Variants in TENT2 observed in about 807,000 individuals in gnomAD.
The protein encoded by TENT2 is terminal nucleotidyltransferase 2.
In TENT2, 44 loss-of-function variants were observed where a neutral mutation model predicts 72.2. The ratio of observed to expected loss-of-function variants is 0.61; its 90% CI spans 0.48 to 0.78. TENT2 has a LOEUF of 0.78. TENT2 is among the 30% of genes least tolerant of loss of function. The probability of loss-of-function intolerance (pLI) is 0.00; values close to 1 mark genes in which losing one functional copy is unlikely to be tolerated. For missense variants in TENT2, 541 were observed against 569.6 expected, an observed-to-expected ratio of 0.95 and a Z score of 0.51; for synonymous variants, 212 against 192.5, an observed-to-expected ratio of 1.10 and a Z score of -0.84.
intron 4 of TENT2, among the ~76,000 whole-genome samples, chr5:79,630,365 G>T (rs10942896): frequency 2.6e-5 from 4 of 152,012 alleles, no homozygotes; most frequent in Non-Finnish European, 5.9e-5. Context: ...GGCCAAGGTG[G>T]GTGGATCGCC....
Position 79,679,241 on chromosome 5 carries a change from A to G in TENT2, c.1209-338A>G, listed in dbSNP as rs142617639. ...TTTTTCCAGTTACTTCATTTTTTCA[A>G]TAAATATGTGTTGAAAACCTGGTAT... On this transcript the variant is annotated intron_variant, in intron 12 of 14. Coordinates refer to ENST00000453514, the MANE Select transcript of TENT2 (RefSeq NM_001114394.3). Among the ~76,000 whole-genome samples the G allele has an allele frequency of 1.8e-3, 270 of 152,116 alleles. 1 individual carries two copies. Among genetic ancestry groups the G allele is most frequent in the African/African-American group, 6.2e-3 (255 of 41,434 alleles).
At chr5:79,678,471 A>C (rs1412111804) in intron 12 of TENT2, among the ~76,000 whole-genome samples, 1 of 152,110 alleles carries the variant, frequency 6.6e-6, no homozygotes, top group East Asian at 1.9e-4. Flanking sequence ...TTTTTCTCTC[A>C]TATACAAGCT....
intron 1 of TENT2, among the ~76,000 whole-genome samples, chr5:79,613,460 G>A (rs1756808323): frequency 6.6e-6 from 1 of 152,160 alleles, no homozygotes; most frequent in African/African-American, 2.4e-5. Flanking sequence ...CTAAATCTGT[G>A]TTTTTATATT....
chr5:79,682,797 A>G (rs1227578919), intron 14 of TENT2, among the ~76,000 whole-genome samples: 1 of 152,060 alleles, frequency 6.6e-6, no homozygotes, highest in Admixed American at 6.6e-5. Flanking sequence ...GTTAAAATTT[A>G]TGTATATGTC....
At chr5:79,621,401 C>G (rs1010049056) in intron 3 of TENT2, among the ~76,000 whole-genome samples, 9 of 152,098 alleles carry the variant, frequency 5.9e-5, no homozygotes, top group African/African-American at 2.2e-4. Context: ...ATAGTATTGA[C>G]TTTATTCAGA....
At chr5:79,653,474 C>T (rs963616661) in intron 10 of TENT2, among the ~76,000 whole-genome samples, 12 of 152,200 alleles carry the variant, frequency 7.9e-5, no homozygotes, top group African/African-American at 2.2e-4. Context: ...GCCTGACCAG[C>T]AGAGTGACTG....
chr5:79,634,118 G>A (rs1778081009), intron 4 of TENT2, among the ~76,000 whole-genome samples: 1 of 143,956 alleles, frequency 6.9e-6, no homozygotes, highest in Non-Finnish European at 1.5e-5. Context: ...TCGTGCCACT[G>A]CACTCCAGCC....
In TENT2 at chr5:79,666,792, C is replaced by CTT. The variant is rs1440215670; in HGVS notation, c.1072-2099_1072-2098dup. Among the ~76,000 whole-genome samples the CTT allele has an allele frequency of 6.6e-5, 10 of 152,242 alleles. No individual in the cohort carries two copies. In the East Asian group the frequency reaches 1.7e-3, roughly 26 times the overall value. Reference sequence around the variant, plus strand: ...CCAGTCTAACTTACTTCAGAAAGTGCTTAATTGTCCAAAGATTGATCCTTC... The same window carrying CTT: ...CCAGTCTAACTTACTTCAGAAAGTGCTTTTAATTGTCCAAAGATTGATCCTTC... On this transcript the variant is annotated intron_variant, in intron 11 of 14. Transcript: ENST00000453514.
intron 12 of TENT2, among the ~76,000 whole-genome samples, chr5:79,673,887 T>C (rs1363853096): frequency 6.6e-6 from 1 of 151,960 alleles, no homozygotes; most frequent in Non-Finnish European, 1.5e-5. Flanking sequence ...AGTGAATATA[T>C]AGATGGAAAA....
intron 10 of TENT2, among the ~76,000 whole-genome samples, chr5:79,654,433 A>G (rs777055616): frequency 1.6e-4 from 24 of 150,408 alleles, no homozygotes; most frequent in Non-Finnish European, 3.3e-4. Context: ...CTCTGTCTCA[A>G]AAAAAAAAAG....
chr5:79,621,689 T>C (rs1325094007), intron 3 of TENT2, among the ~76,000 whole-genome samples: 1 of 146,564 alleles, frequency 6.8e-6, no homozygotes, highest in Non-Finnish European at 1.5e-5. Flanking sequence ...ACCCAGGAGG[T>C]GGAGCTTACA....
intron 4 of TENT2, among the ~76,000 whole-genome samples, chr5:79,629,996 C>T (rs755831922): frequency 2.3e-4 from 35 of 151,082 alleles, no homozygotes; most frequent in Admixed American, 4.0e-4. Context: ...ATTAGCTGGG[C>T]GTGGTGGCGT....
At chr5:79,667,304 A>G (rs755378372) in intron 11 of TENT2, among the ~76,000 whole-genome samples, 6 of 152,206 alleles carry the variant, frequency 3.9e-5, no homozygotes, top group Non-Finnish European at 7.3e-5. Flanking sequence ...GCTATTAAAC[A>G]GTGACCTACT....
At chr5:79,655,887 A>G (rs1349288364) in intron 10 of TENT2, among the ~76,000 whole-genome samples, 1 of 151,920 alleles carries the variant, frequency 6.6e-6, no homozygotes, top group Non-Finnish European at 1.5e-5. Context: ...CCTACTTTGT[A>G]CTGCGTGGTA....
Position 79,619,849 on chromosome 5 carries a change from C to G in TENT2, c.137+64C>G, listed in dbSNP as rs190390163. ...TTTCATTTTCTATTTGACATAAACC[C>G]TTTTTGTATGAAACTTTTGAACATG... On this transcript the variant is annotated intron_variant, in intron 2 of 14. Transcript: ENST00000453514. 384 of 1,543,234 alleles carry G rather than the reference C, an allele frequency of 2.5e-4. 1 individual carries two copies. The highest frequency in any genetic ancestry group is 9.7e-5 in the Non-Finnish European group (110 of 1,138,200).
intron 4 of TENT2, among the ~76,000 whole-genome samples, chr5:79,634,036 G>A (rs984138092): frequency 6.7e-6 from 1 of 149,982 alleles, no homozygotes; most frequent in Non-Finnish European, 1.5e-5. Context: ...GGACCTGGTG[G>A]CGGACGCCTA....
chr5:79,655,296 A>G (rs959829655), intron 10 of TENT2, among the ~76,000 whole-genome samples: 1 of 152,122 alleles, frequency 6.6e-6, no homozygotes, highest in Non-Finnish European at 1.5e-5. Context: ...CCTGCCTCCA[A>G]AAATTTCCAA....
chr5:79,657,700 T>C (rs901472270), intron 11 of TENT2, among the ~76,000 whole-genome samples: 3 of 152,216 alleles, frequency 2.0e-5, no homozygotes, highest in Non-Finnish European at 2.9e-5. Flanking sequence ...TTCTTTGTTT[T>C]ATATCATTAG....
At chr5:79,637,529 C>T (rs1181258313) in intron 4 of TENT2, among the ~76,000 whole-genome samples, 5 of 152,000 alleles carry the variant, frequency 3.3e-5, no homozygotes, top group Non-Finnish European at 7.4e-5. Flanking sequence ...CAGGCTCAAG[C>T]GATCCTCCTG....
Sources: allele counts gnomAD v4.1 joint callset (sites outside exome capture counted in the v4.1 genomes callset), GRCh38; gene constraint gnomAD v4.1.1; transcripts MANE v1.5; gene names NCBI Gene and HGNC (gene_info 2026-07-23, HGNC 2026-07-21).